AMPD1: variants seen among roughly 807,000 people sequenced by gnomAD.
AMPD1 encodes the protein adenosine monophosphate deaminase 1, also known as AMP deaminase 1.
A neutral mutation model predicts 82.9 loss-of-function variants in AMPD1; 74 were observed. The ratio of observed to expected loss-of-function variants is 0.89; its 90% confidence interval spans 0.74 to 1.08. The LOEUF is 1.08. Ranked by LOEUF, AMPD1 falls within the 50% of genes least tolerant of loss-of-function variation. The pLI is 0.00. For missense variants in AMPD1, 881 were observed against 924.5 expected, an observed-to-expected ratio of 0.95 and a Z score of 0.61; for synonymous variants, 333 against 320.5, an observed-to-expected ratio of 1.04 and a Z score of -0.42.
intron 5 of AMPD1, among the ~76,000 whole-genome samples, chr1:114,683,485 C>T (rs751588829): frequency 6.6e-6 from 1 of 152,140 alleles, no homozygotes; most frequent in Admixed American, 6.5e-5. Flanking sequence ...CCTGTAACCC[C>T]AGAACTTTGG....
At chr1:114,676,032 A>G in intron 10 of AMPD1, 29 bp from the exon 11 acceptor site, 1 of 1,612,470 alleles carries the variant, frequency 6.2e-7, no homozygotes, top group Non-Finnish European at 8.5e-7. Context: ...AGAATTTAGG[A>G]GAAAAAAAGA....
intron 10 of AMPD1, among the ~76,000 whole-genome samples, chr1:114,676,602 A>G (rs1657988866): frequency 6.6e-6 from 1 of 152,210 alleles, no homozygotes. Flanking sequence ...GCCAGGATTC[A>G]AGTATCACCA....
chr1:114,673,245 A>G lies in AMPD1; in HGVS notation c.2113T>C (p.Tyr705His), dbSNP rs377325321. The G allele has an allele frequency of 2.0e-4, 330 of 1,614,078 alleles. No individual in the cohort carries two copies. The highest frequency in any genetic ancestry group is 2.5e-4 in the Non-Finnish European group (291 of 1,180,020). ...EEKVKFLGDN[Y>H]LEEGPAGNDI... Reference sequence around the variant, plus strand: ...TTTCCAGCAGGGCCTTCCTCAAGGTAATTGTCGCCCAGAAACTTTACTTTC... The same window carrying G: ...TTTCCAGCAGGGCCTTCCTCAAGGTGATTGTCGCCCAGAAACTTTACTTTC... Residue 705 changes from tyrosine to histidine, a missense_variant, in exon 16 of 16, where the codon TAC (tyrosine) becomes CAC (histidine). Around this residue, in one of 2 missense-constraint regions of AMPD1, gnomAD observed 98 missense variants for 138.1 expected, o/e 0.71. Transcript: ENST00000520113.
At chr1:114,691,357 T>C (rs1345631639) in intron 2 of AMPD1, among the ~76,000 whole-genome samples, 1 of 115,876 alleles carries the variant, frequency 8.6e-6, no homozygotes, top group East Asian at 2.7e-4. Flanking sequence ...AGTTCAAGAC[T>C]TTGGAGCCTG....
rs771361315 is a variant in AMPD1, at chr1:114,673,632, G to A, written c.2085+7C>T. 1.2e-6 allele frequency: 2 copies of A among 1,606,862 alleles called. No individual in the cohort carries two copies. The highest frequency in any genetic ancestry group is 2.2e-5 in the South Asian group (2 of 90,936). ...TCAGAAGGGAAGCCATTTGAAGACA[G>A]GTCTACCTCATGAGAAATTCCACAC... On this transcript the variant is annotated splice_region_variant and intron_variant, in intron 15 of 15. Transcript: ENST00000520113.
chr1:114,686,894 C>T lies in AMPD1; in HGVS notation c.232G>A (p.Gly78Arg). 1 of 1,614,186 alleles carries T rather than the reference C, an allele frequency of 6.2e-7. No individual in the cohort carries two copies. The highest frequency in any genetic ancestry group is 8.5e-7 in the Non-Finnish European group (1 of 1,180,022). Residue 78 changes from glycine (G) to arginine (R), a missense_variant, in exon 4 of 16, where the codon GGA becomes AGA. Physicochemically the swap from Gly to Arg is moderately radical, Grantham distance 125. Around this residue, in one of 2 missense-constraint regions of AMPD1, gnomAD observed 783 missense variants for 786.4 expected, o/e 1.00. Transcript: ENST00000520113. ...TEARRKKRFQGRKTVNLSIPL... is the reference protein window; with the variant it reads ...TEARRKKRFQRRKTVNLSIPL... ...ATGGACAAATTAACAGTCTTCCGTC[C>T]TTGGAAACGCTTTTTTCTGGGTTCG...
At position 114,687,062 on chromosome 1, in the gene AMPD1, G is replaced by T. The variant is rs1230522778; in HGVS notation, c.216-152C>A. ...ATCAGAAACAGGATCCAAGCATAGT[G>T]GGAGGAGAAATCACTGAAGACACAT... On this transcript the variant is annotated intron_variant, in intron 3 of 15. Coordinates refer to ENST00000520113, the MANE Select transcript of AMPD1 (RefSeq NM_000036.3). 3 of 803,012 alleles carry T rather than the reference G, an allele frequency of 3.7e-6. No individual in the cohort carries two copies. The Admixed American group carries it at 6.1e-5, about 16-fold the overall frequency. 49.7% of individuals were successfully genotyped at this position (803,012 alleles called of 1,614,324 possible). A position where few individuals can be genotyped will look rare whatever the true frequency, so the allele number is the denominator to read the frequency against.
chr1:114,683,351 T>C (rs978424817), intron 5 of AMPD1, among the ~76,000 whole-genome samples: 2 of 152,130 alleles, frequency 1.3e-5, no homozygotes, highest in African/African-American at 2.4e-5. Flanking sequence ...TGTTGAACTA[T>C]GTAGGGAACG....
At chr1:114,675,083 G>C (rs1198763557) in intron 12 of AMPD1, 3 of 618,146 alleles carry the variant, frequency 4.9e-6, no homozygotes, top group Admixed American at 5.8e-5. Flanking sequence ...CAAATAAAGT[G>C]TTGATTGCCT....
intron 9 of AMPD1, 99 bp downstream of exon 9, chr1:114,677,795 CTCCCTCCTTCCTTCCT>C (rs1658038179): frequency 3.9e-5 from 17 of 431,374 alleles, no homozygotes; most frequent in Non-Finnish European, 6.3e-5. Context: ...CTTTCCCTCT[CTCCCTCCTTCCTTCCT>C]TCCTTCCTTC....
intron 9 of AMPD1, 53 bp downstream of exon 9, chr1:114,677,857 C>T: frequency 2.1e-6 from 3 of 1,416,276 alleles, no homozygotes; most frequent in Non-Finnish European, 2.8e-6. Context: ...TTCCTTCTTC[C>T]CTTTCCTCAA....
Position 114,686,783 on chromosome 1 carries a change from A to T in AMPD1, c.343T>A (p.Phe115Ile), listed in dbSNP as rs756803538. ...TCACCAGTAATCTGCACTCTCTGAA[A>T]ATCAGGCACGGTCTGGTAGGTTGGA... ...SSPTYQTVPD[F>I]QRVQITGDYA... Residue 115 changes from phenylalanine to isoleucine, a missense_variant, in exon 4 of 16, where the codon TTT becomes ATT. Around this residue, in one of 2 missense-constraint regions of AMPD1, gnomAD observed 783 missense variants for 786.4 expected, o/e 1.00. Coordinates refer to ENST00000520113, the MANE Select transcript of AMPD1 (RefSeq NM_000036.3). 10 of 1,613,980 alleles carry T rather than the reference A, an allele frequency of 6.2e-6. No individual in the cohort carries two copies. The Admixed American group carries it at 1.7e-4, about 27-fold the overall frequency.
intron 1 of AMPD1, among the ~76,000 whole-genome samples, chr1:114,694,721 G>A (rs573216170): frequency 1.6e-4 from 24 of 152,242 alleles, no homozygotes; most frequent in Admixed American, 8.5e-4. Context: ...GCAAGTGCCT[G>A]TAGTCCCAGC....
Position 114,674,052 on chromosome 1 carries a change from C to T in AMPD1, c.1831G>A (p.Ala611Thr). ...SPVLQYLFFLAQIPIAMSPLS... is the reference protein window; with the variant it reads ...SPVLQYLFFLTQIPIAMSPLS... ...GGTGACATGGCGATGGGAATTTGGG[C>T]TAAGAAAAACAAGTACTGTAGCACG... The change falls in exon 14 of 16, where the codon GCC becomes ACC. Residue 611 changes from alanine to threonine, a missense_variant. By Grantham distance (58) the Ala-to-Thr change is moderately conservative. Around this residue, in one of 2 missense-constraint regions of AMPD1, gnomAD observed 783 missense variants for 786.4 expected, o/e 1.00. Coordinates refer to ENST00000520113, the MANE Select transcript of AMPD1 (RefSeq NM_000036.3). 6.2e-7 allele frequency: 1 copy of T among 1,613,588 alleles called. No individual in the cohort carries two copies. Among genetic ancestry groups the T allele is most frequent in the Non-Finnish European group, 8.5e-7 (1 of 1,179,838 alleles).
intron 4 of AMPD1, among the ~76,000 whole-genome samples, chr1:114,686,388 C>G (rs1252226007): frequency 6.6e-6 from 1 of 152,050 alleles, no homozygotes; most frequent in Non-Finnish European, 1.5e-5. Flanking sequence ...CCGTGCCTCC[C>G]CAGAGGCTCC....
At chr1:114,679,778 A>T in intron 6 of AMPD1, 70 bp from the exon 7 acceptor site, 13 of 1,531,090 alleles carry the variant, frequency 8.5e-6, no homozygotes, top group Non-Finnish European at 1.2e-5. Context: ...CAATTTCAAA[A>T]CTATCAGGAC....
At chr1:114,678,673 G>C in intron 7 of AMPD1, 146 bp from the exon 8 acceptor site, 1 of 809,590 alleles carries the variant, frequency 1.2e-6, no homozygotes, top group Non-Finnish European at 2.1e-6. Flanking sequence ...AGGTGGTCCA[G>C]CAATAAAAAA....
In AMPD1 at chr1:114,686,832, G is replaced by A; in HGVS notation, c.294C>T (p.His98=). Reference sequence around the variant, plus strand: ...GAGATGAGGAAATGTATTCATCAATGTGGGACAGTTTGGTGGAAGATGTTT... The same window carrying A: ...GAGATGAGGAAATGTATTCATCAATATGGGACAGTTTGGTGGAAGATGTTT... ...LSETSSTKLS[H]IDEYISSSPT... is the part of the protein sequence containing the mutation. Residue 98 remains histidine, a synonymous_variant, in exon 4 of 16, where the codon CAC becomes CAT. Coordinates refer to ENST00000520113, the MANE Select transcript of AMPD1 (RefSeq NM_000036.3). 2 of 1,614,160 alleles carry A rather than the reference G, an allele frequency of 1.2e-6. No homozygotes were observed. The highest frequency in any genetic ancestry group is 1.7e-6 in the Non-Finnish European group (2 of 1,179,982).
At chr1:114,694,237 A>G (rs1658606566) in intron 1 of AMPD1, among the ~76,000 whole-genome samples, 1 of 151,596 alleles carries the variant, frequency 6.6e-6, no homozygotes, top group Non-Finnish European at 1.5e-5. Context: ...AAACAAAAAC[A>G]AAAACGAACA....
Sources: gnomAD v4.1 joint callset for allele counts (sites outside exome capture counted in the v4.1 genomes callset) on GRCh38, gnomAD v4.1.1 for gene constraint, gnomAD v4.1.1 regional missense constraint, MANE v1.5 for transcripts, NCBI Gene and HGNC (gene_info 2026-07-23, HGNC 2026-07-21) for gene names.